PPM1L: variants seen among roughly 807,000 people sequenced by gnomAD.
PPM1L encodes the protein protein phosphatase 1L.
In PPM1L, 13 loss-of-function variants were observed where a neutral mutation model predicts 31.4. The ratio of observed to expected loss-of-function variants is 0.41; its 90% CI spans 0.27 to 0.66. The LOEUF (loss-of-function observed/expected upper bound fraction) is 0.66. Ranked by LOEUF, PPM1L falls within the 30% of genes least tolerant of loss-of-function variation. The pLI, the probability that PPM1L is intolerant of heterozygous loss-of-function variation, is 0.29. For synonymous variants in PPM1L, 184 were observed against 175.4 expected (o/e 1.05, Z -0.39); for missense variants, 326 against 453.7 (o/e 0.72, Z 2.56).
chr3:160,938,468 G>C (rs1282117892), intron 1 of PPM1L, among the ~76,000 whole-genome samples: 3 of 152,166 alleles, frequency 2.0e-5, no homozygotes, highest in African/African-American at 7.2e-5. Context: ...TTAGGAGCCT[G>C]TGAACTATTA....
In PPM1L at chr3:160,806,890, GAA is replaced by G. The variant is rs556559484; in HGVS notation, c.399+50185_399+50186del. Among the ~76,000 whole-genome samples, 7 of 148,084 alleles carry G rather than the reference GAA, an allele frequency of 4.7e-5. No individual in the cohort carries two copies. In the South Asian group the frequency reaches 8.6e-4, roughly 18 times the overall value. On this transcript the variant is annotated intron_variant, in intron 1 of 3. Coordinates refer to ENST00000498165, the MANE Select transcript of PPM1L (RefSeq NM_139245.4). The stretch of plus-strand genomic sequence containing the variant: ...GGAAGGAAAGGGAGGAAGGAAGAAA[GAA>G]AGAGAGAGAGAAAGAAAGAGAAGGA...
In PPM1L at chr3:160,772,719, T is replaced by C. The variant is rs184236828; in HGVS notation, c.399+16012T>C. Among the ~76,000 whole-genome samples the C allele has an allele frequency of 5.4e-4, 83 of 152,348 alleles. No homozygotes were observed. In the East Asian group the frequency reaches 0.012, roughly 21 times the overall value. On this transcript the variant is annotated intron_variant, in intron 1 of 3. Coordinates refer to ENST00000498165, the MANE Select transcript of PPM1L (RefSeq NM_139245.4). ...TGGTAATTCCTTTCTTTTTCCATTC[T>C]CCTACCCTTCTCCTTCATCTCTAGG...
intron 1 of PPM1L, chr3:160,882,223 C>T (rs1036090867): frequency 7.2e-5 from 11 of 152,042 alleles, no homozygotes; most frequent in Non-Finnish European, 1.5e-4. Context: ...ATTTCTTCTG[C>T]AATTATTTAT....
chr3:161,033,370 C>T (rs1195045034), intron 2 of PPM1L, among the ~76,000 whole-genome samples: 3 of 152,064 alleles, frequency 2.0e-5, no homozygotes, highest in Non-Finnish European at 4.4e-5. Context: ...CAAAAAAGAG[C>T]CCGTAGAGCC....
At chr3:160,916,328 A>C (rs535054597) in intron 1 of PPM1L, among the ~76,000 whole-genome samples, 3 of 152,344 alleles carry the variant, frequency 2.0e-5, no homozygotes, top group African/African-American at 7.2e-5. Context: ...ATCACTGGCC[A>C]TCAGAGAAAT....
At chr3:160,891,081 GGAAACACC>G (rs1713121938) in intron 1 of PPM1L, among the ~76,000 whole-genome samples, 1 of 152,012 alleles carries the variant, frequency 6.6e-6, no homozygotes, top group South Asian at 2.1e-4. Flanking sequence ...ACTTCATGAT[GGAAACACC>G]AAAAGTAATT....
At chr3:160,920,914 A>G (rs943675956) in intron 1 of PPM1L, among the ~76,000 whole-genome samples, 9 of 152,224 alleles carry the variant, frequency 5.9e-5, no homozygotes, top group African/African-American at 1.7e-4. Context: ...GATGGCCACA[A>G]TGTGAGACAG....
intron 1 of PPM1L, among the ~76,000 whole-genome samples, chr3:160,861,627 T>C (rs950191309): frequency 1.3e-5 from 2 of 152,142 alleles, no homozygotes; most frequent in Non-Finnish European, 2.9e-5. Context: ...GTTGTATGTA[T>C]TGATGATGGT....
chr3:160,894,490 G>A (rs978760573), intron 1 of PPM1L, among the ~76,000 whole-genome samples: 1 of 152,072 alleles, frequency 6.6e-6, no homozygotes, highest in Non-Finnish European at 1.5e-5. Flanking sequence ...ACACCACAAA[G>A]CTTGGGAATT....
intron 1 of PPM1L, among the ~76,000 whole-genome samples, chr3:160,951,048 T>C (rs1299853151): frequency 6.6e-6 from 1 of 152,214 alleles, no homozygotes; most frequent in East Asian, 1.9e-4. Flanking sequence ...CTTCTATGGA[T>C]CTCAAGTGCA....
chr3:160,922,249 G>A (rs1326245112), intron 1 of PPM1L, among the ~76,000 whole-genome samples: 1 of 152,052 alleles, frequency 6.6e-6, no homozygotes, highest in East Asian at 1.9e-4. Context: ...GGTGGAGCTT[G>A]CAGTGAGCCG....
chr3:161,038,584 TTAAAAAAAA>T (rs1358419324), intron 2 of PPM1L, among the ~76,000 whole-genome samples: 45 of 100,812 alleles, frequency 4.5e-4, no homozygotes, highest in African/African-American at 2.3e-3. Context: ...GGGATTTGTT[TTAAAAAAAA>T]AAAAAAAAAA....
intron 2 of PPM1L, among the ~76,000 whole-genome samples, chr3:161,064,113 C>T (rs970757286): frequency 2.6e-5 from 4 of 151,408 alleles, no homozygotes; most frequent in Non-Finnish European, 4.4e-5. Context: ...GTACAGCAAA[C>T]CACCATGGCA....
chr3:160,876,210 A>T (rs986829142), intron 1 of PPM1L, among the ~76,000 whole-genome samples: 11 of 152,340 alleles, frequency 7.2e-5, no homozygotes, highest in Admixed American at 5.9e-4. Context: ...AAAGTAGAAG[A>T]TTCCTACCTC....
intron 2 of PPM1L, among the ~76,000 whole-genome samples, chr3:160,993,193 T>C (rs1276423477): frequency 6.6e-6 from 1 of 152,144 alleles, no homozygotes; most frequent in Non-Finnish European, 1.5e-5. Context: ...TAAGTAAAAA[T>C]GATATTCCTG....
At chr3:160,979,322 C>T (rs1716718997) in intron 2 of PPM1L, among the ~76,000 whole-genome samples, 1 of 151,982 alleles carries the variant, frequency 6.6e-6, no homozygotes, top group Admixed American at 6.6e-5. Context: ...GGTGGAAACC[C>T]ACCTTGGACA....
chr3:160,957,196 G>A (rs1339294940), intron 1 of PPM1L, among the ~76,000 whole-genome samples: 1 of 152,124 alleles, frequency 6.6e-6, no homozygotes, highest in East Asian at 1.9e-4. Context: ...AAGGATAATG[G>A]CCTCCAGCTG....
At chr3:160,905,286 T>C (rs55963912) in intron 1 of PPM1L, among the ~76,000 whole-genome samples, 6,993 of 152,272 alleles carry the variant, frequency 0.046, 503 homozygotes, top group African/African-American at 0.15. Context: ...CACTATCTAA[T>C]TATAGAGAGC....
intron 2 of PPM1L, among the ~76,000 whole-genome samples, chr3:160,985,614 G>T (rs926410847): frequency 6.6e-6 from 1 of 151,996 alleles, no homozygotes; most frequent in Non-Finnish European, 1.5e-5. Context: ...ATATTTACTG[G>T]TAGCTTTAGT....
Sources: allele counts gnomAD v4.1 joint callset (sites outside exome capture counted in the v4.1 genomes callset), GRCh38; gene constraint gnomAD v4.1.1; transcripts MANE v1.5; gene names NCBI Gene and HGNC (gene_info 2026-07-23, HGNC 2026-07-21).